GTF2F1: variants seen among roughly 807,000 people sequenced by gnomAD.
GTF2F1 encodes general transcription factor IIF 74 kDa subunit.
In GTF2F1, 39 loss-of-function variants were observed where a neutral mutation model predicts 63.5. The observed-to-expected ratio is 0.61, with a 90% CI of 0.48 to 0.80. GTF2F1 has a LOEUF of 0.80. Among genes scored for constraint, GTF2F1 ranks in the 30% least tolerant of loss-of-function variants. GTF2F1 has a pLI of 0.00. For synonymous variants in GTF2F1, 287 were observed against 285.3 expected (o/e 1.01, Z -0.06); for missense variants, 657 against 718.3 (o/e 0.91, Z 0.97).
rs558460545 is a variant in GTF2F1, at chr19:6,383,963, A to ATTT, written c.498-471_498-469dup. Reference sequence around the variant, plus strand: ...AGGCGCCTGCCACCACGCCCAGCTAATTTTTTTTTTTTTTTGTATTTTTAG... The same window carrying ATTT: ...AGGCGCCTGCCACCACGCCCAGCTAATTTTTTTTTTTTTTTTTTGTATTTTTAG... On this transcript the variant is annotated intron_variant, in intron 5 of 12. Coordinates refer to ENST00000394456, the MANE Select transcript of GTF2F1 (RefSeq NM_002096.3). This position sits in a 1 kb window ranked among gnomAD's most constrained non-coding sequence, Gnocchi z 4.5. Among the ~76,000 whole-genome samples the ATTT allele has an allele frequency of 7.2e-6, 1 of 138,314 alleles. No homozygotes were observed. The highest frequency in any genetic ancestry group is 2.1e-4 in the East Asian group (1 of 4,730). 90.7% of individuals were successfully genotyped at this position (138,314 alleles called of 152,430 possible). A position where few individuals can be genotyped will look rare whatever the true frequency, so the allele number is the denominator to read the frequency against.
intron 3 of GTF2F1, among the ~76,000 whole-genome samples, chr19:6,391,439 GTTTTTTTTTTTTTTTTTT>G (rs11340944): frequency 2.3e-5 from 2 of 87,418 alleles, no homozygotes; most frequent in East Asian, 3.3e-4. Context: ...TGCCATTTCC[GTTTTTTTTTTTTTTTTTT>G]TTTTTTTTTT....
rs1486791504 is a variant in GTF2F1 at position 6,389,601 on chromosome 19, A to G, written c.169T>C (p.Tyr57His). Residue 57 changes from tyrosine to histidine, a missense_variant, in exon 4 of 13, where the codon TAC (tyrosine) becomes CAC (histidine). This residue lies in a region of GTF2F1 where 602 missense variants were observed against 625.6 expected (regional missense o/e 0.96). Transcript: ENST00000394456. The part of the protein sequence containing the change: ...LERDLSNKKI[Y>H]QEEEMPESGA... ...GATTCGGGCATCTCCTCCTCTTGGT[A>G]GATTTTCTTGTTGCTCAAGTCCCGC... 2 of 1,614,110 alleles carry G rather than the reference A, an allele frequency of 1.2e-6. No individual in the cohort carries two copies. The highest frequency in any genetic ancestry group is 1.7e-5 in the Admixed American group (1 of 60,026).
At chr19:6,382,838 TCTCCCGGG>T (rs1262694587) in intron 6 of GTF2F1, among the ~76,000 whole-genome samples, 2 of 147,530 alleles carry the variant, frequency 1.4e-5, no homozygotes, top group Non-Finnish European at 3.0e-5. Context: ...ATGGCTCAGC[TCTCCCGGG>T]CTCTGGCCTT....
intron 4 of GTF2F1, among the ~76,000 whole-genome samples, chr19:6,389,047 A>G (rs2091985194): frequency 6.6e-6 from 1 of 152,124 alleles, no homozygotes; most frequent in Non-Finnish European, 1.5e-5. Flanking sequence ...AGCCTGACCA[A>G]TATGGTGAAA....
chr19:6,393,052 G>C lies in GTF2F1; in HGVS notation c.-57C>G. 6.2e-7 allele frequency: 1 copy of C among 1,609,142 alleles called. No individual in the cohort carries two copies. Among genetic ancestry groups the C allele is most frequent in the East Asian group, 2.2e-5 (1 of 44,858 alleles). On this transcript the variant is annotated 5_prime_UTR_variant, in exon 1 of 13. Coordinates refer to ENST00000394456, the MANE Select transcript of GTF2F1 (RefSeq NM_002096.3). ...ACCCGGGTTCCTTTCGTCTCCTCTG[G>C]CGTGCGCGTCCCTCGATCCCGGGGA...
chr19:6,386,569 C>A (rs564420289), intron 5 of GTF2F1, among the ~76,000 whole-genome samples: 1 of 149,858 alleles, frequency 6.7e-6, no homozygotes, highest in African/African-American at 2.4e-5. Flanking sequence ...CTCAGCCTCC[C>A]GAGTACTGGG....
At position 6,383,357 on chromosome 19, in the gene GTF2F1, G is replaced by A. The variant is rs371298692; in HGVS notation, c.636C>T (p.Asp212=). ...ASELRIHDLE[D]DLEMSSDASD... Reference sequence around the variant, plus strand: ...TGGCATCGGACGACATCTCCAGGTCGTCCTCCAGGTCGTGGATGCGCAGCT... The same window carrying A: ...TGGCATCGGACGACATCTCCAGGTCATCCTCCAGGTCGTGGATGCGCAGCT... The change falls in exon 6 of 13, where the codon GAC becomes GAT. Residue 212 remains aspartate, a synonymous_variant. Transcript: ENST00000394456. This position sits in a 1 kb window ranked among gnomAD's most constrained non-coding sequence, Gnocchi z 4.5. 4.1e-5 allele frequency: 66 copies of A among 1,614,132 alleles called. No individual in the cohort carries two copies. The highest frequency in any genetic ancestry group is 4.0e-4 in the South Asian group (36 of 91,082).
chr19:6,383,701 G>A lies in GTF2F1; in HGVS notation c.498-206C>T, dbSNP rs1402137790. On this transcript the variant is annotated intron_variant, in intron 5 of 12. Coordinates refer to ENST00000394456, the MANE Select transcript of GTF2F1 (RefSeq NM_002096.3). The surrounding 1 kb of genome is among the most constrained non-coding windows in gnomAD (Gnocchi z 4.5). ...CCCGTTCTGCCCCGAGTCCCTCAAA[G>A]AGCAGGTCCCCATGTGCTGCTGGAG... is the stretch of plus-strand genomic sequence containing the variant. 6.6e-6 allele frequency among the ~76,000 whole-genome samples: 1 copy of A among 152,250 alleles called. No individual in the cohort carries two copies. The highest frequency in any genetic ancestry group is 2.4e-5 in the African/African-American group (1 of 41,470).
In GTF2F1 at chr19:6,383,618, T is replaced by G. The variant is rs1319558817; in HGVS notation, c.498-123A>C. ...CAAGGTGATGTGGCCCCCGGGGACTTGGGCTGTGGCACAGGACTCCCTGAA... is the reference window on the plus strand; with the variant it reads ...CAAGGTGATGTGGCCCCCGGGGACTGGGGCTGTGGCACAGGACTCCCTGAA... On this transcript the variant is annotated intron_variant, in intron 5 of 12. Coordinates refer to ENST00000394456, the MANE Select transcript of GTF2F1 (RefSeq NM_002096.3). This position sits in a 1 kb window ranked among gnomAD's most constrained non-coding sequence, Gnocchi z 4.5. 9.8e-7 allele frequency: 1 copy of G among 1,015,912 alleles called. No individual in the cohort carries two copies. The highest frequency in any genetic ancestry group is 2.2e-5 in the Admixed American group (1 of 45,520). 62.9% of individuals were successfully genotyped at this position (1,015,912 alleles called of 1,614,324 possible). A position where few individuals can be genotyped will look rare whatever the true frequency, so the allele number is the denominator to read the frequency against.
At chr19:6,391,051 G>A (rs1394364162) in intron 3 of GTF2F1, among the ~76,000 whole-genome samples, 1 of 152,054 alleles carries the variant, frequency 6.6e-6, no homozygotes, top group Non-Finnish European at 1.5e-5. Context: ...AAACACTCTA[G>A]AATCAGCCAC....
chr19:6,383,588 G>A lies in GTF2F1; in HGVS notation c.498-93C>T, dbSNP rs2091963312. ...CGAGCCCCAGGGCACCACCCACATAGCCTTCAAGGTGATGTGGCCCCCGGG... is the reference window on the plus strand; with the variant it reads ...CGAGCCCCAGGGCACCACCCACATAACCTTCAAGGTGATGTGGCCCCCGGG... On this transcript the variant is annotated intron_variant, in intron 5 of 12. Transcript: ENST00000394456. This position sits in a 1 kb window ranked among gnomAD's most constrained non-coding sequence, Gnocchi z 4.5. The A allele has an allele frequency of 7.4e-7, 1 of 1,345,584 alleles. No homozygotes were observed. The highest frequency in any genetic ancestry group is 1.0e-6 in the Non-Finnish European group (1 of 964,854). The allele number at this position is 1,345,584 out of a possible 1,614,324, so 83.4% of individuals were successfully genotyped here. A position where few individuals can be genotyped will look rare whatever the true frequency, so the allele number is the denominator to read the frequency against.
rs765444527 is a variant in GTF2F1, at chr19:6,389,685, C to A, written c.133-48G>T. On this transcript the variant is annotated intron_variant, in intron 3 of 12. Transcript: ENST00000394456. ...CTCTCAGGGTCCCTGGCTTTGCTTG[C>A]GCAGTGCCCCCCTCCAGGAACGCCC... 9.0e-6 allele frequency: 14 copies of A among 1,552,110 alleles called. No homozygotes were observed. In the Admixed American group the frequency reaches 1.7e-4, roughly 19 times the overall value.
Position 6,381,321 on chromosome 19 carries a change from G to A in GTF2F1, c.1018+38C>T, listed in dbSNP as rs746295653. On this transcript the variant is annotated intron_variant, in intron 9 of 12. Transcript: ENST00000394456. The surrounding 1 kb of genome is among the most constrained non-coding windows in gnomAD (Gnocchi z 4.1). Reference sequence around the variant, plus strand: ...AGGAGGTGGCAGGGCGCCAGGGCCCGACCCAAGCCTCCAATATGGGGGCCA... The same window carrying A: ...AGGAGGTGGCAGGGCGCCAGGGCCCAACCCAAGCCTCCAATATGGGGGCCA... 47 of 1,548,682 alleles carry A rather than the reference G, an allele frequency of 3.0e-5. No homozygotes were observed. Among genetic ancestry groups the A allele is most frequent in the Admixed American group, 2.2e-4 (11 of 51,026 alleles).
At chr19:6,384,890 TCTC>T in intron 5 of GTF2F1, among the ~76,000 whole-genome samples, 1 of 151,848 alleles carries the variant, frequency 6.6e-6, no homozygotes. Context: ...TTCAAGCAAT[TCTC>T]CTGCCTCAGC....
chr19:6,389,733 T>G, intron 3 of GTF2F1, 96 bp from the exon 4 acceptor site: 1 of 1,135,354 alleles, frequency 8.8e-7, no homozygotes, highest in Non-Finnish European at 1.3e-6. Context: ...GGCCAAGCTC[T>G]AGATTCTCAA....
In GTF2F1 at chr19:6,381,686, G is replaced by C; in HGVS notation, c.836+11C>G. 8 of 1,614,116 alleles carry C rather than the reference G, an allele frequency of 5.0e-6. No individual in the cohort carries two copies. The highest frequency in any genetic ancestry group is 6.8e-6 in the Non-Finnish European group (8 of 1,180,030). On this transcript the variant is annotated intron_variant, in intron 7 of 12. Coordinates refer to ENST00000394456, the MANE Select transcript of GTF2F1 (RefSeq NM_002096.3). The surrounding 1 kb of genome is among the most constrained non-coding windows in gnomAD (Gnocchi z 4.1). The stretch of plus-strand genomic sequence containing the variant: ...GCATGGGGTCTCGCAGGCGCCTCCC[G>C]TCGGCCTCACCTGGAGCCGTCTGAC...
chr19:6,381,667 G>T lies in GTF2F1; in HGVS notation c.836+30C>A. ...AGCGCGCGCTCGCGAGGCTGCATGGGGTCTCGCAGGCGCCTCCCGTCGGCC... is the reference window on the plus strand; with the variant it reads ...AGCGCGCGCTCGCGAGGCTGCATGGTGTCTCGCAGGCGCCTCCCGTCGGCC... On this transcript the variant is annotated intron_variant, in intron 7 of 12. Coordinates refer to ENST00000394456, the MANE Select transcript of GTF2F1 (RefSeq NM_002096.3). This position sits in a 1 kb window ranked among gnomAD's most constrained non-coding sequence, Gnocchi z 4.1. The T allele has an allele frequency of 6.2e-7, 1 of 1,614,092 alleles. No homozygotes were observed.
At position 6,381,515 on chromosome 19, in the gene GTF2F1, A is replaced by G. The variant is rs371724007; in HGVS notation, c.899-37T>C. 8.7e-6 allele frequency: 14 copies of G among 1,609,490 alleles called. No homozygotes were observed. The highest frequency in any genetic ancestry group is 1.2e-5 in the Non-Finnish European group (14 of 1,179,790). ...AGGGTATGAGCAAGAGCAGGGAAGC[A>G]CCGCCCCCATCTCCCCGGCCCGCCC... On this transcript the variant is annotated intron_variant, in intron 8 of 12. Transcript: ENST00000394456. The surrounding 1 kb of genome is among the most constrained non-coding windows in gnomAD (Gnocchi z 4.1).
Position 6,381,539 on chromosome 19 carries a change from C to T in GTF2F1, c.898+15G>A, listed in dbSNP as rs2145072681. 2 of 1,612,162 alleles carry T rather than the reference C, an allele frequency of 1.2e-6. No individual in the cohort carries two copies. The highest frequency in any genetic ancestry group is 2.2e-5 in the East Asian group (1 of 44,886). ...CACCGCCCCCATCTCCCCGGCCCGCCCAGCCATCGCCTACCCTTGGGCCCC... is the reference window on the plus strand; with the variant it reads ...CACCGCCCCCATCTCCCCGGCCCGCTCAGCCATCGCCTACCCTTGGGCCCC... On this transcript the variant is annotated intron_variant, in intron 8 of 12. Transcript: ENST00000394456. This position sits in a 1 kb window ranked among gnomAD's most constrained non-coding sequence, Gnocchi z 4.1.
Sources: gnomAD v4.1 joint callset for allele counts (sites outside exome capture counted in the v4.1 genomes callset) on GRCh38, gnomAD v4.1.1 for gene constraint, gnomAD v4.1.1 regional missense constraint, Gnocchi (gnomAD v3.1) non-coding constraint, MANE v1.5 for transcripts, NCBI Gene and HGNC (gene_info 2026-07-23, HGNC 2026-07-21) for gene names.